CSMD1: variants seen among roughly 807,000 people sequenced by gnomAD.
CSMD1 encodes CUB and sushi domain-containing protein 1.
A neutral mutation model predicts 417.5 loss-of-function variants in CSMD1; 213 were observed. The ratio of observed to expected loss-of-function variants is 0.51; its 90% CI spans 0.46 to 0.57. CSMD1 has a LOEUF of 0.57. Ranked by LOEUF, CSMD1 falls within the 20% of genes least tolerant of loss-of-function variation. The probability of loss-of-function intolerance (pLI) is 0.00; values close to 1 mark genes in which losing one functional copy is unlikely to be tolerated. For synonymous variants in CSMD1, 2,862 were observed against 1,736.8 expected (o/e 1.65, Z -16.11); for missense variants, 6,923 against 4,529.7 (o/e 1.53, Z -15.17).
At chr8:4,931,508 AT>A (rs1385475876) in intron 1 of CSMD1, among the ~76,000 whole-genome samples, 4 of 152,296 alleles carry the variant, frequency 2.6e-5, no homozygotes, top group Middle Eastern at 3.4e-3. Flanking sequence ...TATGTTATGT[AT>A]CCATGAACCA....
chr8:4,654,194 G>T (rs2617031), intron 1 of CSMD1, among the ~76,000 whole-genome samples: 1 of 151,820 alleles, frequency 6.6e-6, no homozygotes, highest in Non-Finnish European at 1.5e-5. Context: ...CTCTTCTGGA[G>T]TAGTCTGGAT....
rs147848455 is a variant in CSMD1, at chr8:4,758,469, T to G, written c.86-120911A>C. The stretch of plus-strand genomic sequence containing the variant: ...AAGGAAGCGTGAGCAAGGAAGGAGC[T>G]CAGAAAAGAAAGAGATCCCTTTGGA... On this transcript the variant is annotated intron_variant, in intron 1 of 69. Coordinates refer to ENST00000635120, the MANE Select transcript of CSMD1 (RefSeq NM_033225.6). Among the ~76,000 whole-genome samples, 315 of 152,106 alleles carry G rather than the reference T, an allele frequency of 2.1e-3. 1 individual carries two copies. The highest frequency in any genetic ancestry group is 7.4e-3 in the African/African-American group (305 of 41,482).
chr8:3,026,895 T>C (rs926025565), intron 51 of CSMD1, among the ~76,000 whole-genome samples: 106 of 152,244 alleles, frequency 7.0e-4, no homozygotes, highest in African/African-American at 2.4e-3. Context: ...CTGAATGACC[T>C]TGGTAAAGGG....
chr8:3,280,285 T>C (rs911877493), intron 26 of CSMD1, among the ~76,000 whole-genome samples: 3 of 152,210 alleles, frequency 2.0e-5, no homozygotes, highest in African/African-American at 7.2e-5. Context: ...AGAAATGTCC[T>C]TAGAAATTGA....
chr8:4,177,047 C>G (rs2131160243), intron 3 of CSMD1, among the ~76,000 whole-genome samples: 1 of 152,146 alleles, frequency 6.6e-6, no homozygotes, highest in Admixed American at 6.5e-5. Flanking sequence ...CAAGGATATC[C>G]AGGAATTGAA....
At chr8:4,400,408 G>A (rs935922501) in intron 3 of CSMD1, among the ~76,000 whole-genome samples, 8 of 152,232 alleles carry the variant, frequency 5.3e-5, no homozygotes, top group African/African-American at 1.9e-4. Flanking sequence ...CGTTCCAGGA[G>A]CATATGTTTG....
At chr8:4,276,240 G>C (rs6993956) in intron 3 of CSMD1, among the ~76,000 whole-genome samples, 26,750 of 152,120 alleles carry the variant, frequency 0.18, 2,984 homozygotes, top group Non-Finnish European at 0.26. Context: ...ATCAACGATA[G>C]ACTGAATTTT....
At chr8:3,645,344 C>T (rs1322004712) in intron 7 of CSMD1, among the ~76,000 whole-genome samples, 1 of 152,198 alleles carries the variant, frequency 6.6e-6, no homozygotes, top group Admixed American at 6.5e-5. Flanking sequence ...GAGCAAAGAC[C>T]TATCCTAATT....
intron 10 of CSMD1, among the ~76,000 whole-genome samples, chr8:3,559,256 T>A (rs1799362892): frequency 6.6e-6 from 1 of 152,192 alleles, no homozygotes; most frequent in African/African-American, 2.4e-5. Context: ...TCAAAGAATT[T>A]GTCCTATGGA....
chr8:3,028,610 C>T (rs923934586), intron 51 of CSMD1, among the ~76,000 whole-genome samples: 1 of 152,268 alleles, frequency 6.6e-6, no homozygotes, highest in South Asian at 2.1e-4. Context: ...AACATTTGTT[C>T]TATTAAAAGT....
chr8:3,241,181 C>T (rs1323911227), intron 26 of CSMD1, among the ~76,000 whole-genome samples: 2 of 151,514 alleles, frequency 1.3e-5, no homozygotes, highest in Non-Finnish European at 2.9e-5. Flanking sequence ...GTTAAAGTGT[C>T]TCGGCCTAAT....
At chr8:4,567,774 T>G (rs897256228) in intron 2 of CSMD1, among the ~76,000 whole-genome samples, 2 of 152,104 alleles carry the variant, frequency 1.3e-5, no homozygotes, top group African/African-American at 4.8e-5. Flanking sequence ...TTGCTGGTCA[T>G]AAAATTATCG....
chr8:4,792,272 C>T (rs184740187), intron 1 of CSMD1, among the ~76,000 whole-genome samples: 1 of 152,264 alleles, frequency 6.6e-6, no homozygotes, highest in Non-Finnish European at 1.5e-5. Context: ...CAAACACATC[C>T]TAACTACACC....
chr8:3,128,894 G>T (rs769902730), intron 41 of CSMD1: 47 of 454,508 alleles, frequency 1.0e-4, no homozygotes, highest in Non-Finnish European at 2.0e-4. Context: ...AATGTTTCCA[G>T]ATCCTCCTAT....
intron 23 of CSMD1, among the ~76,000 whole-genome samples, chr8:3,339,436 A>C (rs1156328752): frequency 6.6e-6 from 1 of 152,158 alleles, no homozygotes; most frequent in African/African-American, 2.4e-5. Context: ...TTTCAAAAGC[A>C]TTCCCTGGGT....
chr8:3,643,406 G>A (rs1041758128), intron 7 of CSMD1, among the ~76,000 whole-genome samples: 1 of 152,114 alleles, frequency 6.6e-6, no homozygotes, highest in Non-Finnish European at 1.5e-5. Context: ...TGCCTTATCA[G>A]AAATGCCTCC....
At chr8:4,287,217 C>G (rs73189946) in intron 3 of CSMD1, among the ~76,000 whole-genome samples, 170 of 152,306 alleles carry the variant, frequency 1.1e-3, no homozygotes, top group Non-Finnish European at 2.1e-3. Context: ...AATTAGATAT[C>G]TTGCCTCTAT....
At chr8:3,918,768 A>G (rs891423751) in intron 5 of CSMD1, among the ~76,000 whole-genome samples, 15 of 152,142 alleles carry the variant, frequency 9.9e-5, no homozygotes, top group Admixed American at 8.5e-4. Context: ...AAGTGAAGTA[A>G]CTCAGCAATG....
chr8:3,566,217 G>A (rs1263190511), intron 10 of CSMD1, among the ~76,000 whole-genome samples: 1 of 152,012 alleles, frequency 6.6e-6, no homozygotes, highest in Non-Finnish European at 1.5e-5. Context: ...GGAGGAGAGG[G>A]AAGAGGAAGG....
Sources: allele counts gnomAD v4.1 joint callset (sites outside exome capture counted in the v4.1 genomes callset), GRCh38; gene constraint gnomAD v4.1.1; transcripts MANE v1.5; gene names NCBI Gene and HGNC (gene_info 2026-07-23, HGNC 2026-07-21).